The following ASH1L variants were observed in gnomAD, a reference collection of about 807,000 sequenced individuals.
The protein encoded by ASH1L is histone-lysine N-methyltransferase ASH1L.
Under a neutral mutation model 269.0 loss-of-function variants are expected in ASH1L, and 23 were observed. The ratio of observed to expected loss-of-function variants is 0.09; its 90% confidence interval spans 0.06 to 0.12. The LOEUF is 0.12. ASH1L is among the 10% of genes least tolerant of loss of function. The pLI is 1.00. For synonymous variants in ASH1L, 1,187 were observed against 1,253.5 expected (o/e 0.95, Z 1.12); for missense variants, 2,912 against 3,567.8 (o/e 0.82, Z 4.68).
intron 4 of ASH1L, among the ~76,000 whole-genome samples, chr1:155,453,421 G>A (rs938877750): frequency 2.0e-5 from 3 of 152,128 alleles, no homozygotes; most frequent in African/African-American, 7.2e-5. Flanking sequence ...ACTATACTCC[G>A]TCTCCCTTGT....
intron 2 of ASH1L, among the ~76,000 whole-genome samples, chr1:155,512,617 A>G (rs1668236002): frequency 6.6e-6 from 1 of 151,440 alleles, no homozygotes; most frequent in Admixed American, 6.6e-5. Context: ...ACACCCAGCT[A>G]ATTTTTGTAT....
chr1:155,377,506 G>T (rs1011961581), intron 10 of ASH1L, among the ~76,000 whole-genome samples: 2 of 151,886 alleles, frequency 1.3e-5, no homozygotes, highest in Admixed American at 6.6e-5. Context: ...GAGGTAGGAG[G>T]ACTACTTGAG....
At chr1:155,539,391 T>A (rs1283723328) in intron 1 of ASH1L, among the ~76,000 whole-genome samples, 1 of 152,082 alleles carries the variant, frequency 6.6e-6, no homozygotes, top group Non-Finnish European at 1.5e-5. Context: ...TCTTTGTACA[T>A]CTACCTTGCT....
intron 8 of ASH1L, 55 bp downstream of exon 8, chr1:155,379,988 A>C (rs1441029265): frequency 3.9e-6 from 5 of 1,286,802 alleles, no homozygotes; most frequent in Admixed American, 3.6e-5. Context: ...TTGCATTTCC[A>C]CCCCTCCCCC....
In ASH1L at chr1:155,521,372, G is replaced by A. The variant is rs138907231; in HGVS notation, c.148C>T (p.Arg50Cys). The A allele has an allele frequency of 2.5e-6, 4 of 1,613,942 alleles. No individual in the cohort carries two copies. The highest frequency in any genetic ancestry group is 1.3e-5 in the African/African-American group (1 of 74,892). Residue 50 changes from arginine (R) to cysteine (C), a missense_variant, in exon 2 of 28, where the codon CGC (arginine) becomes TGC (cysteine). Arg to Cys is a radical substitution (Grantham distance 180). Transcript: ENST00000392403. ...ATGTTTCTTTCTCGATTCCGTTTGCGAAGGTCCTCTTCCTCCTTTGTGTTT... is the reference window on the plus strand; with the variant it reads ...ATGTTTCTTTCTCGATTCCGTTTGCAAAGGTCCTCTTCCTCCTTTGTGTTT... ...EKNTKEEEDL[R>C]KRNRERNIEA...
intron 1 of ASH1L, among the ~76,000 whole-genome samples, chr1:155,550,856 T>C (rs1213234933): frequency 2.0e-5 from 3 of 152,168 alleles, no homozygotes; most frequent in Admixed American, 2.0e-4. Flanking sequence ...TGGGATCTCA[T>C]CTTGTTGCCC....
At chr1:155,434,316 G>A in intron 5 of ASH1L, 4 of 1,557,168 alleles carry the variant, frequency 2.6e-6, no homozygotes, top group Non-Finnish European at 3.5e-6. Flanking sequence ...GCTAGGGAAA[G>A]AGAACCTGGA....
At chr1:155,488,387 C>T (rs1001008494) in intron 2 of ASH1L, among the ~76,000 whole-genome samples, 5 of 149,132 alleles carry the variant, frequency 3.4e-5, no homozygotes, top group African/African-American at 1.2e-4. Context: ...AAGCCGGGTA[C>T]GGTGGCTCAT....
chr1:155,356,370 C>T (rs557677611), intron 15 of ASH1L, among the ~76,000 whole-genome samples: 2 of 152,136 alleles, frequency 1.3e-5, no homozygotes, highest in Non-Finnish European at 2.9e-5. Flanking sequence ...TGTGGAGGCT[C>T]ACGCCTGTAA....
intron 5 of ASH1L, among the ~76,000 whole-genome samples, chr1:155,428,691 A>C (rs1661368137): frequency 1.3e-5 from 2 of 152,220 alleles, no homozygotes; most frequent in Admixed American, 6.5e-5. Context: ...CTGTGCCTTA[A>C]GGACATGCTC....
chr1:155,338,377 A>ACT lies in ASH1L; in HGVS notation c.8513_8514dup (p.Glu2840LeufsTer8), dbSNP rs1370659690. 1 of 1,611,942 alleles carries ACT rather than the reference A, an allele frequency of 6.2e-7. No homozygotes were observed. The highest frequency in any genetic ancestry group is 1.3e-5 in the African/African-American group (1 of 74,732). ...TTTAGGGGTGGCTTTGAGCGCTCAGACTTCCAGGATGATCTGCCAGAAGGA... is the reference window on the plus strand; with the variant it reads ...TTTAGGGGTGGCTTTGAGCGCTCAGACTCTTCCAGGATGATCTGCCAGAAGGA... On this transcript the variant is annotated frameshift_variant, in exon 27 of 28. Transcript: ENST00000392403. LOFTEE classifies it high-confidence loss of function.
chr1:155,409,130 T>C (rs1023539200), intron 6 of ASH1L, among the ~76,000 whole-genome samples: 20 of 152,220 alleles, frequency 1.3e-4, no homozygotes, highest in Non-Finnish European at 1.0e-4. Flanking sequence ...GTTCAAGCGA[T>C]TCTCCTGCCT....
intron 7 of ASH1L, among the ~76,000 whole-genome samples, chr1:155,384,042 C>G (rs1040788669): frequency 6.6e-5 from 10 of 152,114 alleles, no homozygotes; most frequent in African/African-American, 2.4e-4. Context: ...GTTGCTAAAA[C>G]AATACAGCAG....
chr1:155,397,036 G>C (rs1658412534), intron 6 of ASH1L: 1 of 149,896 alleles, frequency 6.7e-6, no homozygotes, highest in African/African-American at 2.5e-5. Flanking sequence ...AAAGTGAAAG[G>C]ATCACTTGAG....
chr1:155,527,290 T>C (rs972677699), intron 1 of ASH1L, among the ~76,000 whole-genome samples: 7 of 152,302 alleles, frequency 4.6e-5, no homozygotes, highest in African/African-American at 1.7e-4. Flanking sequence ...CACAACAAAA[T>C]TGTTAGAATT....
At chr1:155,349,206 A>G in intron 19 of ASH1L, 121 bp downstream of exon 19, 1 of 1,131,828 alleles carries the variant, frequency 8.8e-7, no homozygotes, top group Non-Finnish European at 1.2e-6. Flanking sequence ...AGGATACTCA[A>G]AAATGACTGG....
chr1:155,557,156 T>C (rs1350088740), intron 1 of ASH1L, among the ~76,000 whole-genome samples: 1 of 152,208 alleles, frequency 6.6e-6, no homozygotes, highest in Non-Finnish European at 1.5e-5. Context: ...AAAAATTTCA[T>C]AGATTTCCAA....
At chr1:155,555,446 G>A (rs1360989174) in intron 1 of ASH1L, among the ~76,000 whole-genome samples, 1 of 145,704 alleles carries the variant, frequency 6.9e-6, no homozygotes, top group Non-Finnish European at 1.5e-5. Flanking sequence ...GCAGTGAGCC[G>A]AGATTGCGCC....
chr1:155,384,638 A>G (rs556597330), intron 7 of ASH1L, among the ~76,000 whole-genome samples: 1 of 152,050 alleles, frequency 6.6e-6, no homozygotes, highest in African/African-American at 2.4e-5. Context: ...TCTGAGCTCA[A>G]GCAATCAGCC....
Sources: gnomAD v4.1 joint callset for allele counts (sites outside exome capture counted in the v4.1 genomes callset) on GRCh38, gnomAD v4.1.1 for gene constraint, MANE v1.5 for transcripts, NCBI Gene and HGNC (gene_info 2026-07-23, HGNC 2026-07-21) for gene names.